DAAM2: variants seen among roughly 807,000 people sequenced by gnomAD.
DAAM2 encodes the protein dishevelled associated activator of morphogenesis 2.
DAAM2 carries 39 observed loss-of-function variants against 120.7 expected under a neutral mutation model. The observed-to-expected ratio is 0.32, with a 90% CI of 0.25 to 0.42. The LOEUF (loss-of-function observed/expected upper bound fraction) is 0.42. Ranked by LOEUF, DAAM2 falls within the 10% of genes least tolerant of loss-of-function variation. DAAM2 has a pLI of 1.00. For missense variants in DAAM2, 1,283 were observed against 1,401.7 expected, an observed-to-expected ratio of 0.92 and a Z score of 1.35; for synonymous variants, 488 against 524.9, an observed-to-expected ratio of 0.93 and a Z score of 0.96.
rs1183459181 is a variant in DAAM2 at position 39,896,819 on chromosome 6, G to A, written c.2349G>A (p.Leu783=). ...AEAKPKVEAI[L]LASRELVRSK... ...CTGTGCCTCCTCTCCCAGCCATCCTGTTGGCCTCCCGGGAGCTGGTCCGCA... is the reference window on the plus strand; with the variant it reads ...CTGTGCCTCCTCTCCCAGCCATCCTATTGGCCTCCCGGGAGCTGGTCCGCA... Residue 783 remains leucine (L), a synonymous_variant, in exon 20 of 25, where the codon CTG becomes CTA. Coordinates refer to ENST00000274867, the MANE Select transcript of DAAM2 (RefSeq NM_001201427.2). 1 of 1,594,814 alleles carries A rather than the reference G, an allele frequency of 6.3e-7. No homozygotes were observed. The highest frequency in any genetic ancestry group is 1.3e-5 in the African/African-American group (1 of 74,558).
Position 39,872,935 on chromosome 6 carries a change from C to T in DAAM2, c.1045-303C>T, listed in dbSNP as rs537389603. Among the ~76,000 whole-genome samples, 26 of 152,274 alleles carry T rather than the reference C, an allele frequency of 1.7e-4. No homozygotes were observed. In the East Asian group the frequency reaches 5.0e-3, roughly 29 times the overall value. ...CATTTTGACTTGTGTGAGGGGGTGC[C>T]ACTGGCATCTGCTAAGGAGAGGCTG... On this transcript the variant is annotated intron_variant, in intron 9 of 24. Transcript: ENST00000274867.
chr6:39,881,514 T>C (rs1185890811), intron 14 of DAAM2, among the ~76,000 whole-genome samples: 2 of 152,060 alleles, frequency 1.3e-5, no homozygotes, highest in African/African-American at 2.4e-5. Context: ...GTCAGGAGTT[T>C]GAGACCAGCC....
At chr6:39,895,438 G>A (rs1055491270) in intron 19 of DAAM2, among the ~76,000 whole-genome samples, 6 of 151,988 alleles carry the variant, frequency 3.9e-5, no homozygotes, top group African/African-American at 1.5e-4. Context: ...GTTTCACCGT[G>A]TCACCCAGGT....
rs1355912018 is a variant in DAAM2, at chr6:39,861,016, A to T, written c.257A>T (p.Lys86Met). 1.2e-6 allele frequency: 2 copies of T among 1,609,316 alleles called. No individual in the cohort carries two copies. The highest frequency in any genetic ancestry group is 1.7e-6 in the Non-Finnish European group (2 of 1,177,824). Residue 86 changes from lysine to methionine, a missense_variant and splice_region_variant, in exon 3 of 25, where the codon AAG becomes ATG. Coordinates refer to ENST00000274867, the MANE Select transcript of DAAM2 (RefSeq NM_001201427.2). ...TGGCAGATCTACTGCAGCAAGAAGAAGGTGCCCTCTCTGACCCCTCTGGCC... is the reference window on the plus strand; with the variant it reads ...TGGCAGATCTACTGCAGCAAGAAGATGGTGCCCTCTCTGACCCCTCTGGCC... The part of the protein sequence containing the change: ...KKWQIYCSKK[K>M]EQEDPNKLAT...
rs1276926562 is a variant in DAAM2, at chr6:39,904,808, A to C, written c.*2771A>C. ...ATCTACAGTGTCCTTTTTCACTTGC[A>C]CCTTTTTTATAAGAATATATTGTAA... On this transcript the variant is annotated 3_prime_UTR_variant, in exon 25 of 25. Coordinates refer to ENST00000274867, the MANE Select transcript of DAAM2 (RefSeq NM_001201427.2). 6.6e-6 allele frequency: 3 copies of C among 454,078 alleles called. No homozygotes were observed. The highest frequency in any genetic ancestry group is 3.1e-5 in the South Asian group (2 of 64,462). 28.1% of individuals were successfully genotyped at this position (454,078 alleles called of 1,614,324 possible).
At chr6:39,886,725 C>A (rs1765397148) in intron 15 of DAAM2, 5 of 355,784 alleles carry the variant, frequency 1.4e-5, no homozygotes, top group Non-Finnish European at 5.0e-6. Flanking sequence ...AAAGGAGAGC[C>A]TTTCCTGTAA....
Position 39,870,379 on chromosome 6 carries a change from C to A in DAAM2, c.913C>A (p.Leu305Met). ...CCGCCTACATCTACGGTATGAATTC[C>A]TGATGCTGGGTATACAGCCTGTGAT... is the stretch of plus-strand genomic sequence containing the variant. ...EFRLHLRYEF[L>M]MLGIQPVIDK... Residue 305 changes from leucine (L) to methionine (M), a missense_variant, in exon 8 of 25, where the codon CTG (leucine) becomes ATG (methionine). By Grantham distance (15) the Leu-to-Met change is conservative. Around this residue, in one of 3 missense-constraint regions of DAAM2, gnomAD observed 338 missense variants for 443.9 expected, o/e 0.76. Transcript: ENST00000274867. 1 of 1,586,438 alleles carries A rather than the reference C, an allele frequency of 6.3e-7. No homozygotes were observed. The highest frequency in any genetic ancestry group is 1.2e-5 in the South Asian group (1 of 86,650).
intron 2 of DAAM2, among the ~76,000 whole-genome samples, chr6:39,858,274 G>A (rs1040597722): frequency 1.3e-5 from 2 of 152,166 alleles, no homozygotes; most frequent in Non-Finnish European, 2.9e-5. Flanking sequence ...AAAAGACCAC[G>A]CAAGGTGCTC....
intron 1 of DAAM2, among the ~76,000 whole-genome samples, chr6:39,814,795 G>GTAACC (rs1762262485): frequency 6.6e-6 from 1 of 152,172 alleles, no homozygotes; most frequent in African/African-American, 2.4e-5. Flanking sequence ...GAGGAAATAA[G>GTAACC]TAACCTCAGC....
chr6:39,880,946 G>A (rs116684570), intron 14 of DAAM2, among the ~76,000 whole-genome samples: 2,100 of 152,266 alleles, frequency 0.014, 43 homozygotes, highest in African/African-American at 0.045. Flanking sequence ...TCTGCAGAAC[G>A]TGCAGAAAGG....
At chr6:39,872,814 A>C (rs564370417) in intron 9 of DAAM2, among the ~76,000 whole-genome samples, 1 of 115,532 alleles carries the variant, frequency 8.7e-6, no homozygotes, top group African/African-American at 3.5e-5. Context: ...TGAATCCTCT[A>C]TGCCCCTGCT....
At chr6:39,852,608 T>C (rs1763849274) in intron 1 of DAAM2, among the ~76,000 whole-genome samples, 1 of 152,204 alleles carries the variant, frequency 6.6e-6, no homozygotes, top group South Asian at 2.1e-4. Context: ...GCGCTTCCTC[T>C]AGTGTCGCCC....
intron 1 of DAAM2, among the ~76,000 whole-genome samples, chr6:39,804,371 CTGTA>C (rs112011065): frequency 0.041 from 6,244 of 152,250 alleles, 313 homozygotes; most frequent in African/African-American, 0.12. Context: ...TACTTGTTGA[CTGTA>C]TGTATCAATT....
Position 39,856,430 on chromosome 6 carries a change from C to G in DAAM2, c.128C>G (p.Pro43Arg). The G allele has an allele frequency of 8.0e-6, 12 of 1,506,526 alleles. No individual in the cohort carries two copies. The highest frequency in any genetic ancestry group is 1.1e-5 in the Non-Finnish European group (12 of 1,126,964). The allele number at this position is 1,506,526 out of a possible 1,614,324, so 93.3% of individuals were successfully genotyped here. A position where few individuals can be genotyped will look rare whatever the true frequency, so the allele number is the denominator to read the frequency against. Residue 43 changes from proline to arginine, a missense_variant, in exon 2 of 25, where the codon CCG becomes CGG. By Grantham distance (103) the Pro-to-Arg change is moderately radical (BLOSUM62 -2). Coordinates refer to ENST00000274867, the MANE Select transcript of DAAM2 (RefSeq NM_001201427.2). ...LQFMEFSSPI[P>R]NAEELNIRFA... ...TTCATGGAGTTCTCCAGCCCCATCC[C>G]GAACGCAGAGGAGCTCAACATCCGC...
rs149687688 is a variant in DAAM2 at position 39,900,322 on chromosome 6, T to C, written c.2811+114T>C. On this transcript the variant is annotated intron_variant, in intron 23 of 24. Coordinates refer to ENST00000274867, the MANE Select transcript of DAAM2 (RefSeq NM_001201427.2). ...GGACAAACCCAGAGTTACAGAGCTT[T>C]GAGAGAAAACCGTTTCTTCGCTCTT... is the stretch of plus-strand genomic sequence containing the variant. 4.5e-4 allele frequency: 581 copies of C among 1,278,398 alleles called. 1 individual carries two copies. In the African/African-American group the frequency reaches 7.7e-3, roughly 17 times the overall value. 79.2% of individuals were successfully genotyped at this position (1,278,398 alleles called of 1,614,324 possible). A position where few individuals can be genotyped will look rare whatever the true frequency, so the allele number is the denominator to read the frequency against.
At position 39,797,608 on chromosome 6, in the gene DAAM2, G is replaced by A. The variant is rs570832417; in HGVS notation, c.-57+5143G>A. On this transcript the variant is annotated intron_variant, in intron 1 of 24. Coordinates refer to ENST00000274867, the MANE Select transcript of DAAM2 (RefSeq NM_001201427.2). Reference sequence around the variant, plus strand: ...CAGATCAATTTAATTAGACTCCTTGGGAATGGAACCTAGGCGTCCACAGTT... The same window carrying A: ...CAGATCAATTTAATTAGACTCCTTGAGAATGGAACCTAGGCGTCCACAGTT... Among the ~76,000 whole-genome samples the A allele has an allele frequency of 7.2e-5, 11 of 152,278 alleles. No homozygotes were observed. In the South Asian group the frequency reaches 1.7e-3, roughly 23 times the overall value.
At chr6:39,807,241 A>G (rs944237350) in intron 1 of DAAM2, among the ~76,000 whole-genome samples, 1 of 152,116 alleles carries the variant, frequency 6.6e-6, no homozygotes, top group Non-Finnish European at 1.5e-5. Context: ...CTAGTGACAT[A>G]TAATCTCAGA....
chr6:39,801,910 G>C (rs763540626), intron 1 of DAAM2, among the ~76,000 whole-genome samples: 13 of 152,218 alleles, frequency 8.5e-5, no homozygotes, highest in Non-Finnish European at 1.6e-4. Flanking sequence ...GTGATTCCAG[G>C]TCAGTGGGAA....
chr6:39,793,930 C>T lies in DAAM2; in HGVS notation c.-57+1465C>T, dbSNP rs942996221. Among the ~76,000 whole-genome samples the T allele has an allele frequency of 1.1e-4, 16 of 152,130 alleles. 1 individual carries two copies. The highest frequency in any genetic ancestry group is 7.9e-4 in the Admixed American group (12 of 15,276). ...TCTGGGTGGGAGGAAGATTACTGGA[C>T]TCTCCCTCTGTCCTAGAAAAATGAG... On this transcript the variant is annotated intron_variant, in intron 1 of 24. Transcript: ENST00000274867.
Sources: allele counts gnomAD v4.1 joint callset (sites outside exome capture counted in the v4.1 genomes callset), GRCh38; gene constraint gnomAD v4.1.1; regional missense constraint gnomAD v4.1.1; transcripts MANE v1.5; gene names NCBI Gene and HGNC (gene_info 2026-07-23, HGNC 2026-07-21).